FBN2: variants seen among roughly 807,000 people sequenced by gnomAD.
The protein encoded by FBN2 is fibrillin-2.
Under a neutral mutation model 355.6 loss-of-function variants are expected in FBN2, and 105 were observed. The ratio of observed to expected loss-of-function variants is 0.30; its 90% confidence interval spans 0.25 to 0.35. The LOEUF is 0.35. Among genes scored for constraint, FBN2 ranks in the 10% least tolerant of loss-of-function variants. The probability of loss-of-function intolerance (pLI) is 1.00; values close to 1 mark genes in which losing one functional copy is unlikely to be tolerated. For missense variants in FBN2, 3,280 were observed against 3,758.7 expected (o/e 0.87, Z 3.33); for synonymous variants, 1,350 against 1,301.2 (o/e 1.04, Z -0.81).
intron 7 of FBN2, among the ~76,000 whole-genome samples, chr5:128,440,629 C>G (rs940760083): frequency 6.6e-6 from 1 of 152,102 alleles, no homozygotes; most frequent in African/African-American, 2.4e-5. Context: ...TGGGTGGGGA[C>G]GTAGGGCCAA....
In FBN2 at chr5:128,280,245, C is replaced by G. The variant is rs771718967; in HGVS notation, c.7085G>C (p.Arg2362Thr). The G allele has an allele frequency of 1.1e-5, 17 of 1,611,478 alleles. No individual in the cohort carries two copies. The highest frequency in any genetic ancestry group is 1.7e-5 in the Admixed American group (1 of 59,994). Residue 2362 changes from arginine to threonine, a missense_variant, in exon 56 of 65, where the codon AGA becomes ACA. Arg to Thr is a moderately conservative substitution (Grantham distance 71). Around this residue, in one of 6 missense-constraint regions of FBN2, gnomAD observed 2,284 missense variants for 2,749.5 expected, o/e 0.83. Coordinates refer to ENST00000262464, the MANE Select transcript of FBN2 (RefSeq NM_001999.4). ...CTGGAATCCTTCATTACACTCACAT[C>G]TATAGCTTCCAATAATGTTAACACA... ...GRCVNIIGSY[R>T]CECNEGFQSS...
chr5:128,368,284 G>C lies in FBN2; in HGVS notation c.2248+898C>G, dbSNP rs1751825994. 2.0e-5 allele frequency among the ~76,000 whole-genome samples: 3 copies of C among 151,698 alleles called. 1 individual carries two copies. The South Asian group carries it at 6.2e-4, about 31-fold the overall frequency. ...TCAATATATATTCAATACAGGTTTA[G>C]TTAAACTATGAACAGACAAGAGTCA... On this transcript the variant is annotated intron_variant, in intron 16 of 64. Transcript: ENST00000262464.
intron 11 of FBN2, among the ~76,000 whole-genome samples, chr5:128,386,646 T>G (rs1752373480): frequency 6.6e-6 from 1 of 152,166 alleles, no homozygotes. Flanking sequence ...ATTCTTCCTA[T>G]CTATGAGCAT....
At chr5:128,460,627 C>T (rs538330383) in intron 6 of FBN2, among the ~76,000 whole-genome samples, 2 of 152,194 alleles carry the variant, frequency 1.3e-5, no homozygotes, top group East Asian at 1.9e-4. Flanking sequence ...GCTACGGTAA[C>T]CAAAACAGCA....
chr5:128,335,058 T>A, intron 30 of FBN2, 112 bp downstream of exon 30: 1 of 1,499,988 alleles, frequency 6.7e-7, no homozygotes, highest in Non-Finnish European at 9.2e-7. Context: ...TAAAATGATT[T>A]GAATTTTTAA....
intron 8 of FBN2, among the ~76,000 whole-genome samples, chr5:128,405,580 A>G (rs1398374674): frequency 6.6e-6 from 1 of 152,224 alleles, no homozygotes; most frequent in Non-Finnish European, 1.5e-5. Flanking sequence ...TTCTTTTCCA[A>G]TGCAGAACAA....
intron 19 of FBN2, among the ~76,000 whole-genome samples, chr5:128,360,917 T>A (rs561509099): frequency 2.2e-4 from 34 of 152,286 alleles, no homozygotes; most frequent in African/African-American, 7.2e-4. Flanking sequence ...GTAATTGGAT[T>A]TGAGAATGTT....
At chr5:128,531,699 TAA>T (rs1277782592) in intron 2 of FBN2, among the ~76,000 whole-genome samples, 3 of 147,608 alleles carry the variant, frequency 2.0e-5, no homozygotes, top group Non-Finnish European at 3.0e-5. Flanking sequence ...TATGTATATA[TAA>T]GTGTATATAT....
intron 3 of FBN2, among the ~76,000 whole-genome samples, chr5:128,529,724 G>C (rs1756655386): frequency 6.6e-6 from 1 of 152,220 alleles, no homozygotes; most frequent in Non-Finnish European, 1.5e-5. Context: ...GCAAGAAAGA[G>C]AGGTTCAGGT....
chr5:128,362,352 A>T (rs780683497), intron 18 of FBN2, among the ~76,000 whole-genome samples: 8 of 152,220 alleles, frequency 5.3e-5, no homozygotes, highest in African/African-American at 1.7e-4. Flanking sequence ...CTATGTTTTT[A>T]TCTCAGAAAC....
chr5:128,363,348 C>T (rs1453265000), intron 18 of FBN2, among the ~76,000 whole-genome samples: 3 of 152,144 alleles, frequency 2.0e-5, no homozygotes. Flanking sequence ...TGCCACCATG[C>T]CCAGCTAATT....
At chr5:128,303,363 G>A (rs1214854639) in intron 45 of FBN2, among the ~76,000 whole-genome samples, 2 of 152,148 alleles carry the variant, frequency 1.3e-5, no homozygotes, top group Non-Finnish European at 2.9e-5. Context: ...CCCCCTAGTA[G>A]AGATGTATTA....
intron 41 of FBN2, among the ~76,000 whole-genome samples, chr5:128,307,925 G>A (rs1749927955): frequency 6.6e-6 from 1 of 151,968 alleles, no homozygotes; most frequent in Non-Finnish European, 1.5e-5. Flanking sequence ...TATCAGGTCA[G>A]GGATATTGTA....
rs890032338 is a variant in FBN2, at chr5:128,262,002, C to T, written c.8193-95G>A. 19 of 925,696 alleles carry T rather than the reference C, an allele frequency of 2.1e-5. No individual in the cohort carries two copies. The Admixed American group carries it at 2.9e-4, about 14-fold the overall frequency. 57.3% of individuals were successfully genotyped at this position (925,696 alleles called of 1,614,324 possible). On this transcript the variant is annotated intron_variant, in intron 63 of 64. Transcript: ENST00000262464. ...AGACTCTTCAGAAACACGAAACCAA[C>T]AGAGCAAACACTAAACTCATAAACA...
intron 27 of FBN2, among the ~76,000 whole-genome samples, chr5:128,337,383 T>C (rs1175198290): frequency 2.0e-5 from 3 of 152,236 alleles, no homozygotes; most frequent in Admixed American, 6.5e-5. Flanking sequence ...ATGAAGAACA[T>C]GCTTTCTGGC....
chr5:128,401,340 C>T (rs7719113), intron 8 of FBN2, among the ~76,000 whole-genome samples: 11,551 of 152,176 alleles, frequency 0.076, 493 homozygotes, highest in Non-Finnish European at 0.093. Flanking sequence ...GAATATGCCA[C>T]TATAGCTAAT....
chr5:128,504,910 T>C (rs1391259467), intron 5 of FBN2, among the ~76,000 whole-genome samples: 4 of 152,172 alleles, frequency 2.6e-5, no homozygotes, highest in Non-Finnish European at 5.9e-5. Flanking sequence ...AGAATTGTAA[T>C]AATCCCCATG....
In FBN2 at chr5:128,368,103, T is replaced by C. The variant is rs185948833; in HGVS notation, c.2248+1079A>G. On this transcript the variant is annotated intron_variant, in intron 16 of 64. Coordinates refer to ENST00000262464, the MANE Select transcript of FBN2 (RefSeq NM_001999.4). The stretch of plus-strand genomic sequence containing the variant: ...GCTTCCCTGGGCTACAAATTGCTCC[T>C]TCCTCTGTGCTCTCTCCATACTTGA... Among the ~76,000 whole-genome samples, 352 of 152,242 alleles carry C rather than the reference T, an allele frequency of 2.3e-3. 1 individual carries two copies. The highest frequency in any genetic ancestry group is 3.9e-3 in the Non-Finnish European group (262 of 68,008).
At chr5:128,431,610 G>A (rs1753630171) in intron 7 of FBN2, among the ~76,000 whole-genome samples, 1 of 152,064 alleles carries the variant, frequency 6.6e-6, no homozygotes, top group Admixed American at 6.6e-5. Flanking sequence ...TGACTTTTTT[G>A]CCTTATTAAG....
Sources: allele counts gnomAD v4.1 joint callset (sites outside exome capture counted in the v4.1 genomes callset), GRCh38; gene constraint gnomAD v4.1.1; regional missense constraint gnomAD v4.1.1; transcripts MANE v1.5; gene names NCBI Gene and HGNC (gene_info 2026-07-23, HGNC 2026-07-21).